Variants in CNTNAP2 observed in about 807,000 individuals in gnomAD.
The protein encoded by CNTNAP2 is contactin-associated protein-like 2.
A neutral mutation model predicts 155.2 loss-of-function variants in CNTNAP2; 98 were observed. The observed-to-expected ratio is 0.63, with a 90% confidence interval of 0.54 to 0.75. The LOEUF (loss-of-function observed/expected upper bound fraction) is 0.75. Ranked by LOEUF, CNTNAP2 falls within the 30% of genes least tolerant of loss-of-function variation. The probability of loss-of-function intolerance (pLI) is 0.00; values close to 1 mark genes in which losing one functional copy is unlikely to be tolerated. For missense variants in CNTNAP2, 1,727 were observed against 1,688.1 expected (o/e 1.02, Z -0.40); for synonymous variants, 651 against 631.2 (o/e 1.03, Z -0.47).
At chr7:147,576,880 G>T (rs1010728780) in intron 12 of CNTNAP2, among the ~76,000 whole-genome samples, 2 of 151,990 alleles carry the variant, frequency 1.3e-5, no homozygotes, top group African/African-American at 2.4e-5. Context: ...TGTGGGTTTT[G>T]TTCTCGCTTA....
chr7:147,955,382 A>AT (rs1285177671), intron 14 of CNTNAP2, among the ~76,000 whole-genome samples: 1 of 152,156 alleles, frequency 6.6e-6, no homozygotes, highest in Non-Finnish European at 1.5e-5. Context: ...ACATGCTTTT[A>AT]TTTTTTAAAA....
chr7:146,683,620 G>A (rs1016302621), intron 1 of CNTNAP2, among the ~76,000 whole-genome samples: 5 of 152,100 alleles, frequency 3.3e-5, no homozygotes, highest in Non-Finnish European at 7.4e-5. Flanking sequence ...AGTTTACTCA[G>A]CATTTATTGT....
At chr7:146,248,014 G>A (rs977501692) in intron 1 of CNTNAP2, among the ~76,000 whole-genome samples, 2 of 151,092 alleles carry the variant, frequency 1.3e-5, no homozygotes, top group Admixed American at 6.6e-5. Context: ...ATAAGGGATC[G>A]GGGCACAGAG....
intron 1 of CNTNAP2, among the ~76,000 whole-genome samples, chr7:146,426,623 TAA>T (rs34609020): frequency 3.8e-5 from 5 of 130,190 alleles, no homozygotes; most frequent in South Asian, 2.4e-4. Context: ...ATAACACCTT[TAA>T]AAAAAAAAAA....
chr7:147,720,300 A>C (rs1796545365), intron 13 of CNTNAP2, among the ~76,000 whole-genome samples: 1 of 152,248 alleles, frequency 6.6e-6, no homozygotes, highest in African/African-American at 2.4e-5. Flanking sequence ...AGCTGTTCTA[A>C]AAATAATTCC....
At chr7:146,383,463 A>G (rs1795419087) in intron 1 of CNTNAP2, among the ~76,000 whole-genome samples, 1 of 152,152 alleles carries the variant, frequency 6.6e-6, no homozygotes, top group East Asian at 1.9e-4. Context: ...AAAATTTGGG[A>G]TACCTTTCTG....
At chr7:146,679,353 T>TC (rs1309001046) in intron 1 of CNTNAP2, among the ~76,000 whole-genome samples, 1 of 143,610 alleles carries the variant, frequency 7.0e-6, no homozygotes, top group Non-Finnish European at 1.5e-5. Context: ...GTTTCTTTTT[T>TC]TTTTTTTTTT....
At chr7:148,210,001 C>G (rs904151965) in intron 18 of CNTNAP2, among the ~76,000 whole-genome samples, 2 of 152,188 alleles carry the variant, frequency 1.3e-5, no homozygotes, top group African/African-American at 2.4e-5. Flanking sequence ...CAATTATTAA[C>G]TTAAATGTAA....
intron 1 of CNTNAP2, among the ~76,000 whole-genome samples, chr7:146,224,697 A>G (rs1799264089): frequency 6.6e-6 from 1 of 152,002 alleles, no homozygotes; most frequent in South Asian, 2.1e-4. Context: ...TGAACCCGGG[A>G]GGCGGAGCTT....
intron 1 of CNTNAP2, among the ~76,000 whole-genome samples, chr7:146,591,356 T>A (rs1798779785): frequency 6.6e-6 from 1 of 152,174 alleles, no homozygotes; most frequent in African/African-American, 2.4e-5. Flanking sequence ...CAATAGGTTC[T>A]TCAAAGAAAT....
chr7:147,366,779 A>ACG (rs879579319), intron 9 of CNTNAP2, among the ~76,000 whole-genome samples: 1 of 49,168 alleles, frequency 2.0e-5, no homozygotes, highest in South Asian at 7.6e-4. Flanking sequence ...AATTTGTTGC[A>ACG]CGCACACACA....
chr7:147,154,532 A>T (rs529168192), intron 8 of CNTNAP2, among the ~76,000 whole-genome samples: 1 of 152,314 alleles, frequency 6.6e-6, no homozygotes, highest in African/African-American at 2.4e-5. Context: ...ATACTTGCTG[A>T]CTTTTAAATC....
chr7:146,939,275 T>G (rs1796995514), intron 3 of CNTNAP2, among the ~76,000 whole-genome samples: 1 of 152,222 alleles, frequency 6.6e-6, no homozygotes, highest in African/African-American at 2.4e-5. Context: ...TCGTTTTGAA[T>G]TCTTCTGTGT....
chr7:146,711,231 A>G (rs1202689662), intron 1 of CNTNAP2, among the ~76,000 whole-genome samples: 1 of 147,464 alleles, frequency 6.8e-6, no homozygotes, highest in African/African-American at 2.5e-5. Flanking sequence ...TTTTATATAT[A>G]CATATACATA....
intron 8 of CNTNAP2, among the ~76,000 whole-genome samples, chr7:147,181,669 A>T (rs1273418745): frequency 1.3e-5 from 2 of 152,234 alleles, no homozygotes; most frequent in African/African-American, 4.8e-5. Flanking sequence ...CTTCATCAAA[A>T]TGCTGTTTTC....
At chr7:147,243,981 G>T (rs1803999044) in intron 8 of CNTNAP2, among the ~76,000 whole-genome samples, 1 of 152,168 alleles carries the variant, frequency 6.6e-6, no homozygotes, top group African/African-American at 2.4e-5. Flanking sequence ...CTTCTGTGAA[G>T]ATTTCTCCTT....
Position 147,042,496 on chromosome 7 carries a change from G to A in CNTNAP2, c.403-1411G>A, listed in dbSNP as rs114681663. Among the ~76,000 whole-genome samples, 262 of 152,194 alleles carry A rather than the reference G, an allele frequency of 1.7e-3. 4 individuals are homozygous for A. The highest frequency in any genetic ancestry group is 6.1e-3 in the African/African-American group (253 of 41,528). On this transcript the variant is annotated intron_variant, in intron 3 of 23. Coordinates refer to ENST00000361727, the MANE Select transcript of CNTNAP2 (RefSeq NM_014141.6). ...TCTACTACAAACTTGCATTTGTGTT[G>A]CTTGGATGAACTTAAGCCAGTGCTT...
intron 3 of CNTNAP2, among the ~76,000 whole-genome samples, chr7:147,037,045 G>A (rs1799163575): frequency 6.6e-6 from 1 of 152,038 alleles, no homozygotes; most frequent in African/African-American, 2.4e-5. Context: ...TAAATTACTT[G>A]TATTAAAACT....
chr7:147,477,154 T>G (rs2116620681), intron 10 of CNTNAP2, among the ~76,000 whole-genome samples: 1 of 152,316 alleles, frequency 6.6e-6, no homozygotes, highest in South Asian at 2.1e-4. Flanking sequence ...TAAATATTTT[T>G]TTGGGGAGAA....
Sources: gnomAD v4.1 joint callset for allele counts (sites outside exome capture counted in the v4.1 genomes callset) on GRCh38, gnomAD v4.1.1 for gene constraint, MANE v1.5 for transcripts, NCBI Gene and HGNC (gene_info 2026-07-23, HGNC 2026-07-21) for gene names.